Variants in EHBP1 observed in about 807,000 individuals in gnomAD.
EHBP1 encodes the protein EH domain-binding protein 1.
EHBP1 carries 55 observed loss-of-function variants against 144.0 expected under a neutral mutation model. That is an observed-to-expected ratio of 0.38 (90% confidence interval 0.31 to 0.48). EHBP1 has a LOEUF of 0.48. EHBP1 is among the 20% of genes least tolerant of loss of function. The probability of loss-of-function intolerance (pLI) is 0.98; values close to 1 mark genes in which losing one functional copy is unlikely to be tolerated. For missense variants in EHBP1, 1,200 were observed against 1,364.2 expected, an observed-to-expected ratio of 0.88 and a Z score of 1.90; for synonymous variants, 469 against 472.7, an observed-to-expected ratio of 0.99 and a Z score of 0.10.
intron 5 of EHBP1, among the ~76,000 whole-genome samples, chr2:62,822,631 T>C (rs1223039855): frequency 1.3e-5 from 2 of 152,210 alleles, no homozygotes; most frequent in African/African-American, 4.8e-5. Context: ...TACGAGGTAA[T>C]GTCAGATTGT....
chr2:62,983,368 G>C (rs1290026093), intron 15 of EHBP1, among the ~76,000 whole-genome samples: 1 of 152,042 alleles, frequency 6.6e-6, no homozygotes, highest in East Asian at 1.9e-4. Context: ...CATTTGCAAG[G>C]AAGGTGACTA....
intron 3 of EHBP1, among the ~76,000 whole-genome samples, chr2:62,753,560 T>G (rs1032241539): frequency 3.9e-5 from 6 of 152,208 alleles, no homozygotes; most frequent in Admixed American, 1.3e-4. Flanking sequence ...CCTTGCTAGG[T>G]TGGGGCAGTT....
chr2:62,805,021 T>C (rs1400150278), intron 5 of EHBP1, among the ~76,000 whole-genome samples: 1 of 152,168 alleles, frequency 6.6e-6, no homozygotes, highest in Non-Finnish European at 1.5e-5. Flanking sequence ...CCAGAAAGAT[T>C]GGGGACAGCT....
chr2:62,902,609 G>A (rs563074387), intron 10 of EHBP1, among the ~76,000 whole-genome samples: 8 of 152,146 alleles, frequency 5.3e-5, no homozygotes, highest in African/African-American at 1.4e-4. Flanking sequence ...TTTTATGAAG[G>A]CTGCTTCTTT....
rs886307339 is a variant in EHBP1 at position 63,046,393 on chromosome 2, C to T, written c.*893C>T. 6.6e-6 allele frequency: 1 copy of T among 152,618 alleles called. No individual in the cohort carries two copies. The highest frequency in any genetic ancestry group is 6.5e-5 in the Admixed American group (1 of 15,282). The allele number at this position is 152,618 out of a possible 1,614,324, so 9.5% of individuals were successfully genotyped here. ...TTTAATATTTTCTTCTTTAGCATAG[C>T]ACTGTCATTTTTTGTGAAAATGGTT... is the stretch of plus-strand genomic sequence containing the variant. On this transcript the variant is annotated 3_prime_UTR_variant, in exon 23 of 23. Transcript: ENST00000431489.
At chr2:62,935,408 G>A (rs2056316003) in intron 10 of EHBP1, among the ~76,000 whole-genome samples, 1 of 148,630 alleles carries the variant, frequency 6.7e-6, no homozygotes, top group African/African-American at 2.5e-5. Flanking sequence ...AATAAAGCTT[G>A]ATAGTTTTTT....
At chr2:62,968,535 A>G (rs1405182556) in intron 14 of EHBP1, among the ~76,000 whole-genome samples, 2 of 152,170 alleles carry the variant, frequency 1.3e-5, no homozygotes, top group Non-Finnish European at 2.9e-5. Flanking sequence ...TTTTTTTAAT[A>G]TGATACATAG....
chr2:62,751,886 T>C (rs2039761762), intron 3 of EHBP1, among the ~76,000 whole-genome samples: 1 of 152,210 alleles, frequency 6.6e-6, no homozygotes, highest in South Asian at 2.1e-4. Context: ...TCTTCTTTAT[T>C]AGTCTTGCTA....
chr2:62,765,813 T>C (rs1283723876), intron 4 of EHBP1, among the ~76,000 whole-genome samples: 2 of 152,190 alleles, frequency 1.3e-5, no homozygotes, highest in African/African-American at 4.8e-5. Flanking sequence ...GAGAATGGTA[T>C]GATGTCTCCC....
chr2:62,910,295 G>A (rs1441075014), intron 10 of EHBP1, among the ~76,000 whole-genome samples: 6 of 152,126 alleles, frequency 3.9e-5, no homozygotes, highest in Non-Finnish European at 7.4e-5. Flanking sequence ...AAGTGGTTAA[G>A]TACTTCAATT....
intron 14 of EHBP1, among the ~76,000 whole-genome samples, chr2:62,956,688 G>C (rs1015772931): frequency 2.8e-5 from 3 of 107,516 alleles, no homozygotes; most frequent in South Asian, 2.8e-4. Context: ...TCTACTTACA[G>C]AAAAAAAAAA....
At chr2:62,861,386 C>A (rs1456452525) in intron 8 of EHBP1, among the ~76,000 whole-genome samples, 1 of 150,858 alleles carries the variant, frequency 6.6e-6, no homozygotes, top group Non-Finnish European at 1.5e-5. Flanking sequence ...CCTTGGCCTC[C>A]CAAAGTGCTG....
intron 10 of EHBP1, among the ~76,000 whole-genome samples, chr2:62,899,026 C>T (rs1396954200): frequency 2.0e-5 from 3 of 152,124 alleles, no homozygotes; most frequent in Non-Finnish European, 4.4e-5. Flanking sequence ...GTGTTCATTA[C>T]ATTTTGTGAA....
intron 20 of EHBP1, 52 bp downstream of exon 20, chr2:63,037,686 G>A (rs1485195188): frequency 9.2e-7 from 1 of 1,086,420 alleles, no homozygotes; most frequent in South Asian, 1.6e-5. Context: ...TAAATCTTAG[G>A]CCTCTTGTTA....
intron 2 of EHBP1, among the ~76,000 whole-genome samples, chr2:62,743,474 C>G (rs1039318995): frequency 6.6e-6 from 1 of 152,058 alleles, no homozygotes; most frequent in Admixed American, 6.6e-5. Context: ...TTGTGAACTT[C>G]CAGTGGATCT....
intron 5 of EHBP1, among the ~76,000 whole-genome samples, chr2:62,809,554 G>A (rs2044809062): frequency 6.6e-6 from 1 of 151,926 alleles, no homozygotes; most frequent in African/African-American, 2.4e-5. Flanking sequence ...CAGGTTTGTT[G>A]CATGGGTAGA....
At chr2:62,870,389 G>A (rs1035180312) in intron 9 of EHBP1, among the ~76,000 whole-genome samples, 4 of 152,122 alleles carry the variant, frequency 2.6e-5, no homozygotes, top group African/African-American at 4.8e-5. Flanking sequence ...AAAAATAGAT[G>A]ATTTAAGGGA....
At chr2:62,778,484 TA>T (rs1306587061) in intron 5 of EHBP1, among the ~76,000 whole-genome samples, 1 of 148,458 alleles carries the variant, frequency 6.7e-6, no homozygotes, top group African/African-American at 2.5e-5. Flanking sequence ...GTTGAGACTG[TA>T]ATGAGCTCTC....
At chr2:62,936,993 A>C (rs1432512358) in intron 10 of EHBP1, among the ~76,000 whole-genome samples, 1 of 152,202 alleles carries the variant, frequency 6.6e-6, no homozygotes, top group Non-Finnish European at 1.5e-5. Context: ...GTTACACTGG[A>C]CTTAATTAGC....
Sources: gnomAD v4.1 joint callset for allele counts (sites outside exome capture counted in the v4.1 genomes callset) on GRCh38, gnomAD v4.1.1 for gene constraint, MANE v1.5 for transcripts, NCBI Gene and HGNC (gene_info 2026-07-23, HGNC 2026-07-21) for gene names.